The following DNAJC21 variants were observed in gnomAD, a reference collection of about 807,000 sequenced individuals.
DNAJC21 encodes the protein DnaJ heat shock protein family (Hsp40) member C21, also known as dnaJ homolog subfamily C member 21.
In DNAJC21, 63 loss-of-function variants were observed where a neutral mutation model predicts 72.4. That is an observed-to-expected ratio of 0.87 (90% CI 0.71 to 1.07). The LOEUF is 1.07. Among genes scored for constraint, DNAJC21 ranks in the 50% least tolerant of loss-of-function variants. DNAJC21 has a pLI of 0.00. For synonymous variants in DNAJC21, 203 were observed against 216.7 expected, an observed-to-expected ratio of 0.94 and a Z score of 0.56; for missense variants, 634 against 644.8, an observed-to-expected ratio of 0.98 and a Z score of 0.18.
intron 1 of DNAJC21, among the ~76,000 whole-genome samples, chr5:34,930,925 T>C (rs1404496894): frequency 2.6e-5 from 4 of 152,214 alleles, no homozygotes; most frequent in Admixed American, 2.0e-4. Flanking sequence ...TAATATATGC[T>C]CCAGGAATTC....
chr5:34,940,037 T>C (rs1168326301), intron 6 of DNAJC21, among the ~76,000 whole-genome samples: 3 of 152,280 alleles, frequency 2.0e-5, no homozygotes, highest in African/African-American at 7.2e-5. Flanking sequence ...TCCATCGAGT[T>C]TTACAATTTA....
At chr5:34,936,054 C>A in intron 3 of DNAJC21, 90 bp from the exon 4 acceptor site, 1 of 1,527,804 alleles carries the variant, frequency 6.5e-7, no homozygotes, top group Non-Finnish European at 8.8e-7. Flanking sequence ...AATTCTTCAA[C>A]ATTAAAATTT....
intron 10 of DNAJC21, chr5:34,950,789 G>A (rs1765338701): frequency 1.0e-6 from 1 of 987,704 alleles, no homozygotes; most frequent in Non-Finnish European, 1.2e-6. Flanking sequence ...TTCCTGCTCA[G>A]AGGAGCCCTG....
In DNAJC21 at chr5:34,929,795, C is replaced by A. The variant is rs1356078304; in HGVS notation, c.-25C>A. 9.7e-6 allele frequency: 13 copies of A among 1,335,018 alleles called. No individual in the cohort carries two copies. The highest frequency in any genetic ancestry group is 1.3e-5 in the Non-Finnish European group (13 of 1,020,930). 82.7% of individuals were successfully genotyped at this position (1,335,018 alleles called of 1,614,324 possible). A position where few individuals can be genotyped will look rare whatever the true frequency, so the allele number is the denominator to read the frequency against. On this transcript the variant is annotated 5_prime_UTR_variant, in exon 1 of 12. Transcript: ENST00000648817. ...GCCCCGACCCCGTCCCGGGCCCCAG[C>A]GCCGGCCGCCCGCCCGGTCGGGCGA...
At position 34,937,494 on chromosome 5, in the gene DNAJC21, G is replaced by C. The variant is rs372732488; in HGVS notation, c.607G>C (p.Val203Leu). ...DKARKEKNEL[V>L]RQLVAFIRKR... is the part of the protein sequence containing the mutation. The stretch of plus-strand genomic sequence containing the variant: ...AGCAAGGAAAGAGAAGAATGAGCTT[G>C]TCCGTCAGCTGGTAGCTTTCATTCG... Residue 203 changes from valine to leucine, a missense_variant, in exon 5 of 12, where the codon GTC becomes CTC. Physicochemically the swap from Val to Leu is conservative, Grantham distance 32 (BLOSUM62 1). Transcript: ENST00000648817. 7 of 1,614,040 alleles carry C rather than the reference G, an allele frequency of 4.3e-6. No homozygotes were observed. The highest frequency in any genetic ancestry group is 1.1e-5 in the South Asian group (1 of 91,082).
chr5:34,930,664 AGTTGACTTT>A (rs1764560901), intron 1 of DNAJC21, among the ~76,000 whole-genome samples: 1 of 152,182 alleles, frequency 6.6e-6, no homozygotes, highest in African/African-American at 2.4e-5. Flanking sequence ...CTAAGAGAGT[AGTTGACTTT>A]CAGCTTTTTG....
At position 34,936,159 on chromosome 5, in the gene DNAJC21, T is replaced by A; in HGVS notation, c.331T>A (p.Tyr111Asn). Residue 111 changes from tyrosine to asparagine, a missense_variant, in exon 4 of 12, where the codon TAT (tyrosine) becomes AAT (asparagine). Physicochemically the swap from Tyr to Asn is moderately radical, Grantham distance 143. Coordinates refer to ENST00000648817, the MANE Select transcript of DNAJC21 (RefSeq NM_001012339.3). ...TGTTTTTTAGGGATTTTACACGGTGTATCGTAATGTTTTTGAAATGATTGC... is the reference window on the plus strand; with the variant it reads ...TGTTTTTTAGGGATTTTACACGGTGAATCGTAATGTTTTTGAAATGATTGC... The part of the protein sequence containing the change: ...GDDEKGFYTV[Y>N]RNVFEMIAKE... 1 of 1,613,896 alleles carries A rather than the reference T, an allele frequency of 6.2e-7. No homozygotes were observed. Among genetic ancestry groups the A allele is most frequent in the Non-Finnish European group, 8.5e-7 (1 of 1,179,954 alleles).
chr5:34,942,751 A>G (rs1263702786), intron 7 of DNAJC21, among the ~76,000 whole-genome samples: 1 of 152,146 alleles, frequency 6.6e-6, no homozygotes, highest in Non-Finnish European at 1.5e-5. Context: ...CTTTACCTCT[A>G]AATACTTCAC....
In DNAJC21 at chr5:34,958,555, A is replaced by G. The variant is rs1296257600; in HGVS notation, c.*3841A>G. On this transcript the variant is annotated 3_prime_UTR_variant, in exon 12 of 12. Coordinates refer to ENST00000648817, the MANE Select transcript of DNAJC21 (RefSeq NM_001012339.3). ...AAGCATACACAGGAAAAAATGATGC[A>G]TAAAAACATGGCTTCTGTAGAACAA... 1 of 152,266 alleles carries G rather than the reference A, an allele frequency of 6.6e-6. No homozygotes were observed. The highest frequency in any genetic ancestry group is 1.5e-5 in the Non-Finnish European group (1 of 68,046). The allele number at this position is 152,266 out of a possible 1,614,324, so 9.4% of individuals were successfully genotyped here. A position where few individuals can be genotyped will look rare whatever the true frequency, so the allele number is the denominator to read the frequency against.
rs949713075 is a variant in DNAJC21 at position 34,931,098 on chromosome 5, T to G, written c.97+1182T>G. On this transcript the variant is annotated intron_variant, in intron 1 of 11. Transcript: ENST00000648817. ...GGACAGTTTGACTGAAGGTGGTGTG[T>G]ATTGCAGGTCTGAAAAATAGGGATT... Among the ~76,000 whole-genome samples the G allele has an allele frequency of 2.0e-5, 3 of 152,226 alleles. No homozygotes were observed. In the South Asian group the frequency reaches 6.2e-4, roughly 32 times the overall value.
At position 34,957,280 on chromosome 5, in the gene DNAJC21, T is replaced by C. The variant is rs1765563687; in HGVS notation, c.*2566T>C. 6.6e-6 allele frequency: 1 copy of C among 152,202 alleles called. No homozygotes were observed. Among genetic ancestry groups the C allele is most frequent in the African/African-American group, 2.4e-5 (1 of 41,436 alleles). 9.4% of individuals were successfully genotyped at this position (152,202 alleles called of 1,614,324 possible). On this transcript the variant is annotated 3_prime_UTR_variant, in exon 12 of 12. Transcript: ENST00000648817. ...CCATCTTGATTGAAGTTAGCTCAGA[T>C]GTGGAGATTCATAGAATGAGGGTCC... is the stretch of plus-strand genomic sequence containing the variant.
chr5:34,935,883 ACT>A (rs1764754256), intron 3 of DNAJC21, 50 bp downstream of exon 3: 1 of 1,607,326 alleles, frequency 6.2e-7, no homozygotes, highest in African/African-American at 1.3e-5. Flanking sequence ...CTTCATTAAG[ACT>A]CACATACAAA....
chr5:34,933,925 C>T lies in DNAJC21; in HGVS notation c.191+17C>T. ...AAGAGCATGGTGAGCATCACGCTGT[C>T]CTTCCCATCCTAGTTTATGATGTTG... On this transcript the variant is annotated intron_variant, in intron 2 of 11. Transcript: ENST00000648817. 2 of 1,605,646 alleles carry T rather than the reference C, an allele frequency of 1.2e-6. No homozygotes were observed. Among genetic ancestry groups the T allele is most frequent in the Non-Finnish European group, 1.7e-6 (2 of 1,175,330 alleles).
chr5:34,936,442 C>T (rs1764780345), intron 4 of DNAJC21, among the ~76,000 whole-genome samples, 176 bp downstream of exon 4: 2 of 152,210 alleles, frequency 1.3e-5, no homozygotes, highest in South Asian at 4.1e-4. Context: ...CCTCAGCCTC[C>T]TGAGTAGCTG....
intron 7 of DNAJC21, 57 bp downstream of exon 7, chr5:34,941,240 AAG>A (rs1764979399): frequency 2.0e-6 from 3 of 1,505,494 alleles, no homozygotes; most frequent in Admixed American, 1.7e-5. Flanking sequence ...CTCTGTCACC[AAG>A]GCAGGAGTGC....
At chr5:34,937,026 C>T (rs1344470922) in intron 4 of DNAJC21, among the ~76,000 whole-genome samples, 1 of 152,208 alleles carries the variant, frequency 6.6e-6, no homozygotes, top group South Asian at 2.1e-4. Flanking sequence ...GCTGGGATTA[C>T]AGGCGTGAGC....
intron 10 of DNAJC21, chr5:34,951,539 T>C (rs1765363683): frequency 3.0e-6 from 3 of 985,066 alleles, no homozygotes; most frequent in Non-Finnish European, 3.6e-6. Flanking sequence ...TTTTTTTTTT[T>C]TTTTTGGAGA....
intron 10 of DNAJC21, chr5:34,951,738 G>A: frequency 1.1e-6 from 1 of 893,484 alleles, no homozygotes; most frequent in Non-Finnish European, 1.3e-6. Context: ...GTTGCACAGG[G>A]TGGTCTTGAA....
Position 34,936,232 on chromosome 5 carries a change from CA to C in DNAJC21, c.406del (p.Thr136LeufsTer12), listed in dbSNP as rs1561182161. ...SVLEEEVDDF[P>X]TFGDSQSDYD... ...TTAGAGGAAGAGGTTGATGATTTCCCAACTTTTGGAGACTCCCAGAGTGACT... is the reference window on the plus strand; with the variant it reads ...TTAGAGGAAGAGGTTGATGATTTCCCACTTTTGGAGACTCCCAGAGTGACT... On this transcript the variant is annotated frameshift_variant, in exon 4 of 12. Transcript: ENST00000648817. LOFTEE classifies it high-confidence loss of function. 3 of 1,613,966 alleles carry C rather than the reference CA, an allele frequency of 1.9e-6. No homozygotes were observed. The highest frequency in any genetic ancestry group is 2.5e-6 in the Non-Finnish European group (3 of 1,179,956).
Sources: gnomAD v4.1 joint callset for allele counts (sites outside exome capture counted in the v4.1 genomes callset) on GRCh38, gnomAD v4.1.1 for gene constraint, MANE v1.5 for transcripts, NCBI Gene and HGNC (gene_info 2026-07-23, HGNC 2026-07-21) for gene names.